The following STK32B variants were observed in gnomAD, a reference collection of about 807,000 sequenced individuals.
STK32B encodes the protein serine/threonine kinase 32B, also known as serine/threonine-protein kinase 32B.
STK32B carries 43 observed loss-of-function variants against 52.6 expected under a neutral mutation model. That is an observed-to-expected ratio of 0.82 (90% CI 0.64 to 1.05). The LOEUF (loss-of-function observed/expected upper bound fraction) is 1.05, where lower values mean the gene tolerates loss of function less well. Among genes scored for constraint, STK32B ranks in the 50% least tolerant of loss-of-function variants. STK32B has a pLI of 0.00. For missense variants in STK32B, 621 were observed against 534.6 expected (o/e 1.16, Z -1.59); for synonymous variants, 238 against 204.3 (o/e 1.17, Z -1.41).
intron 11 of STK32B, among the ~76,000 whole-genome samples, chr4:5,484,608 C>A (rs554461199): frequency 6.2e-4 from 94 of 152,092 alleles, no homozygotes; most frequent in African/African-American, 2.2e-3. Context: ...AATATTGTTA[C>A]GTGTGAATTT....
At chr4:5,268,913 G>A (rs1383825218) in intron 3 of STK32B, among the ~76,000 whole-genome samples, 2 of 152,062 alleles carry the variant, frequency 1.3e-5, no homozygotes, top group Admixed American at 6.6e-5. Flanking sequence ...AAGCAACAGA[G>A]GACAGTGATC....
At chr4:5,311,101 A>C (rs1302887431) in intron 3 of STK32B, among the ~76,000 whole-genome samples, 1 of 152,216 alleles carries the variant, frequency 6.6e-6, no homozygotes, top group Non-Finnish European at 1.5e-5. Context: ...AGATACAAAA[A>C]TACATCTGCC....
chr4:5,329,648 C>A (rs868511625), intron 3 of STK32B, among the ~76,000 whole-genome samples: 48 of 152,220 alleles, frequency 3.2e-4, no homozygotes, highest in Admixed American at 1.7e-3. Flanking sequence ...AGGGCGAAGA[C>A]AGTTTCTTTG....
At chr4:5,317,071 T>TATGATATCA (rs1192353751) in intron 3 of STK32B, among the ~76,000 whole-genome samples, 4 of 29,024 alleles carry the variant, frequency 1.4e-4, no homozygotes, top group East Asian at 1.8e-3. Flanking sequence ...ATATAATATA[T>TATGATATCA]TATATATTAT....
rs1716208513 is a variant in STK32B, at chr4:5,453,535, TC to T, written c.667-3271del. On this transcript the variant is annotated intron_variant, in intron 7 of 11. Transcript: ENST00000282908. This position sits in a 1 kb window ranked among gnomAD's most constrained non-coding sequence, Gnocchi z 4.0. ...TGTCCAGGGTCTTTGCACCTCCTTT[TC>T]AGGGTAGGGGTGGGACTGTTTTGGG... is the stretch of plus-strand genomic sequence containing the variant. Among the ~76,000 whole-genome samples the T allele has an allele frequency of 6.6e-6, 1 of 151,988 alleles. No homozygotes were observed. Among genetic ancestry groups the T allele is most frequent in the Non-Finnish European group, 1.5e-5 (1 of 67,998 alleles).
the STK32B span, among the ~76,000 whole-genome samples, chr4:5,032,221 C>T: frequency 6.7e-6 from 1 of 150,078 alleles, no homozygotes; most frequent in Non-Finnish European, 1.5e-5. Context: ...CACCTGTAAT[C>T]CCAGCACTTT....
intron 3 of STK32B, among the ~76,000 whole-genome samples, chr4:5,311,461 T>C (rs1560305522): frequency 1.3e-5 from 2 of 151,716 alleles, no homozygotes; most frequent in Admixed American, 6.6e-5. Context: ...AAATTGAAAA[T>C]AGGAGAACAG....
At chr4:5,352,350 A>T (rs905764003) in intron 4 of STK32B, among the ~76,000 whole-genome samples, 2 of 152,130 alleles carry the variant, frequency 1.3e-5, no homozygotes, top group African/African-American at 4.8e-5. Flanking sequence ...AAAACAAATG[A>T]TCATCTAAAT....
chr4:5,481,803 G>A lies in STK32B; in HGVS notation c.1106+13733G>A, dbSNP rs1386624053. Among the ~76,000 whole-genome samples, 6 of 152,246 alleles carry A rather than the reference G, an allele frequency of 3.9e-5. No homozygotes were observed. The South Asian group carries it at 1.2e-3, about 32-fold the overall frequency. On this transcript the variant is annotated intron_variant, in intron 11 of 11. Coordinates refer to ENST00000282908, the MANE Select transcript of STK32B (RefSeq NM_018401.3). ...GATCCAGTTTCGGCTTTCTACATAT[G>A]GCTAGCCAGTTTTCCCAGCACCATT...
At chr4:5,434,376 CG>C (rs1326305037) in intron 6 of STK32B, among the ~76,000 whole-genome samples, 2 of 151,040 alleles carry the variant, frequency 1.3e-5, no homozygotes, top group Non-Finnish European at 2.9e-5. Context: ...TGTTTATGAA[CG>C]TCAGGAAATT....
At chr4:5,067,509 A>G (rs1012746161) in intron 1 of STK32B, among the ~76,000 whole-genome samples, 1 of 152,212 alleles carries the variant, frequency 6.6e-6, no homozygotes, top group African/African-American at 2.4e-5. Context: ...CACCGTGTAA[A>G]CTTATAAAGG....
Position 5,467,954 on chromosome 4 carries a change from C to G in STK32B, c.1042-52C>G. On this transcript the variant is annotated intron_variant, in intron 10 of 11. Transcript: ENST00000282908. The surrounding 1 kb of genome is among the most constrained non-coding windows in gnomAD (Gnocchi z 5.8). ...CGTCCTGTGATGCTCCATTACCGCG[C>G]GTCCCCGGACCGTGCTTTGTCATTT... 1.2e-6 allele frequency: 2 copies of G among 1,602,022 alleles called. No homozygotes were observed. The highest frequency in any genetic ancestry group is 1.7e-6 in the Non-Finnish European group (2 of 1,169,480).
chr4:5,347,365 T>G (rs1412614619), intron 4 of STK32B, among the ~76,000 whole-genome samples: 2 of 152,120 alleles, frequency 1.3e-5, no homozygotes. Context: ...ATAAACATGA[T>G]CTCCCCAAAA....
At chr4:5,276,580 A>G (rs1233486406) in intron 3 of STK32B, among the ~76,000 whole-genome samples, 1 of 152,138 alleles carries the variant, frequency 6.6e-6, no homozygotes, top group Non-Finnish European at 1.5e-5. Context: ...GAAGAAAACC[A>G]AAGGACTGAA....
At chr4:5,189,709 C>T (rs975853052) in intron 3 of STK32B, among the ~76,000 whole-genome samples, 2 of 152,110 alleles carry the variant, frequency 1.3e-5, no homozygotes, top group Non-Finnish European at 2.9e-5. Context: ...TAAGAGTAGG[C>T]TTAGTTTGGT....
chr4:5,134,356 G>A (rs1307408195), intron 1 of STK32B, among the ~76,000 whole-genome samples: 1 of 152,180 alleles, frequency 6.6e-6, no homozygotes, highest in Non-Finnish European at 1.5e-5. Flanking sequence ...GAGTAGATTA[G>A]TTATCACAAG....
chr4:5,414,196 T>C (rs570823639), intron 5 of STK32B, among the ~76,000 whole-genome samples: 2 of 152,262 alleles, frequency 1.3e-5, no homozygotes, highest in African/African-American at 2.4e-5. Context: ...GGGGCAGATA[T>C]GTTTTCATAA....
chr4:5,316,240 T>TA lies in STK32B; in HGVS notation c.261-14979dup, dbSNP rs1730700380. On this transcript the variant is annotated intron_variant, in intron 3 of 11. Coordinates refer to ENST00000282908, the MANE Select transcript of STK32B (RefSeq NM_018401.3). ...ATAATATATTATATATACAATATTA[T>TA]ATATTGTATATATAATATATTATAT... Among the ~76,000 whole-genome samples, 3 of 65,524 alleles carry TA rather than the reference T, an allele frequency of 4.6e-5. 1 individual carries two copies. The South Asian group carries it at 1.4e-3, about 30-fold the overall frequency. The allele number at this position is 65,524 out of a possible 152,430, so 43.0% of individuals were successfully genotyped here.
chr4:5,133,736 G>A (rs1046973054), intron 1 of STK32B, among the ~76,000 whole-genome samples: 2 of 152,194 alleles, frequency 1.3e-5, no homozygotes, highest in African/African-American at 2.4e-5. Context: ...GAGATGTTAA[G>A]TGACTAGGTT....
Sources: allele counts gnomAD v4.1 joint callset (sites outside exome capture counted in the v4.1 genomes callset), GRCh38; gene constraint gnomAD v4.1.1; non-coding constraint Gnocchi (gnomAD v3.1); transcripts MANE v1.5; gene names NCBI Gene and HGNC (gene_info 2026-07-23, HGNC 2026-07-21).